ANKFY1: variants seen among roughly 807,000 people sequenced by gnomAD.
ANKFY1 encodes ankyrin repeat and FYVE domain-containing protein 1.
Under a neutral mutation model 128.3 loss-of-function variants are expected in ANKFY1, and 47 were observed. The ratio of observed to expected loss-of-function variants is 0.37; its 90% CI spans 0.29 to 0.47. The LOEUF (loss-of-function observed/expected upper bound fraction) is 0.47, where lower values mean the gene tolerates loss of function less well. Ranked by LOEUF, ANKFY1 falls within the 20% of genes least tolerant of loss-of-function variation. The probability of loss-of-function intolerance (pLI) is 1.00; values close to 1 mark genes in which losing one functional copy is unlikely to be tolerated. For missense variants in ANKFY1, 1,222 were observed against 1,510.6 expected (o/e 0.81, Z 3.17); for synonymous variants, 553 against 601.6 (o/e 0.92, Z 1.18).
At chr17:4,193,804 G>T (rs1453510150) in intron 10 of ANKFY1, among the ~76,000 whole-genome samples, 1 of 151,220 alleles carries the variant, frequency 6.6e-6, no homozygotes, top group Non-Finnish European at 1.5e-5. Context: ...CTGTTGCCCA[G>T]GCTGGAGTGC....
At chr17:4,180,227 C>T (rs374130373) in intron 16 of ANKFY1, 14 of 198,438 alleles carry the variant, frequency 7.1e-5, no homozygotes, top group Non-Finnish European at 1.4e-4. Flanking sequence ...CAGGAGTCCA[C>T]GACCAGCCTG....
intron 2 of ANKFY1, among the ~76,000 whole-genome samples, chr17:4,238,757 C>G (rs1442772034): frequency 6.6e-6 from 1 of 151,860 alleles, no homozygotes; most frequent in Non-Finnish European, 1.5e-5. Context: ...TGAGCCACCA[C>G]ACCCAGCCTT....
rs1487022637 is a variant in ANKFY1 at position 4,177,109 on chromosome 17, A to G, written c.2775+17T>C. The G allele has an allele frequency of 1.3e-6, 2 of 1,563,354 alleles. No homozygotes were observed. The highest frequency in any genetic ancestry group is 1.4e-5 in the African/African-American group (1 of 73,382). ...TTGACAACATATTATTACATGCAATACTTCTGTGTCACTTACCAAATTGCG... is the reference window on the plus strand; with the variant it reads ...TTGACAACATATTATTACATGCAATGCTTCTGTGTCACTTACCAAATTGCG... On this transcript the variant is annotated intron_variant, in intron 19 of 24. Coordinates refer to ENST00000341657, the MANE Select transcript of ANKFY1 (RefSeq NM_001330063.2).
At chr17:4,205,414 T>G (rs1382250303) in intron 7 of ANKFY1, among the ~76,000 whole-genome samples, 1 of 150,254 alleles carries the variant, frequency 6.7e-6, no homozygotes, top group Non-Finnish European at 1.5e-5. Flanking sequence ...AAACCTAGTA[T>G]TTTTTTTTTC....
rs2059177916 is a variant in ANKFY1 at position 4,164,527 on chromosome 17, G to A, written c.*3252C>T. 6.6e-6 allele frequency: 1 copy of A among 152,308 alleles called. No individual in the cohort carries two copies. Among genetic ancestry groups the A allele is most frequent in the Admixed American group, 6.5e-5 (1 of 15,292 alleles). The allele number at this position is 152,308 out of a possible 1,614,324, so 9.4% of individuals were successfully genotyped here. A position where few individuals can be genotyped will look rare whatever the true frequency, so the allele number is the denominator to read the frequency against. On this transcript the variant is annotated 3_prime_UTR_variant, in exon 25 of 25. Transcript: ENST00000341657. Reference sequence around the variant, plus strand: ...CTGGGACTTGTCCCAAGGGAAGCAAGTGTCTGTCATGGAAACATTACCCTT... The same window carrying A: ...CTGGGACTTGTCCCAAGGGAAGCAAATGTCTGTCATGGAAACATTACCCTT...
chr17:4,205,077 G>A lies in ANKFY1; in HGVS notation c.898+1244C>T, dbSNP rs560277906. Among the ~76,000 whole-genome samples, 52 of 152,214 alleles carry A rather than the reference G, an allele frequency of 3.4e-4. 1 individual carries two copies. Among genetic ancestry groups the A allele is most frequent in the Admixed American group, 2.7e-3 (42 of 15,278 alleles). The stretch of plus-strand genomic sequence containing the variant: ...CACCAACTAGGAGCAATTTGTGAAT[G>A]GCAAAAATGTAGCACAGACAATAAT... On this transcript the variant is annotated intron_variant, in intron 7 of 24. Coordinates refer to ENST00000341657, the MANE Select transcript of ANKFY1 (RefSeq NM_001330063.2).
intron 3 of ANKFY1, among the ~76,000 whole-genome samples, chr17:4,229,543 T>C (rs1421195556): frequency 1.3e-5 from 2 of 151,970 alleles, no homozygotes; most frequent in South Asian, 2.1e-4. Context: ...ATTGGCTAAA[T>C]ATAAATAAAA....
intron 7 of ANKFY1, 96 bp downstream of exon 7, chr17:4,206,225 C>A: frequency 7.4e-7 from 1 of 1,353,438 alleles, no homozygotes; most frequent in Admixed American, 1.8e-5. Flanking sequence ...ACTACAGAAG[C>A]CTTTGAGAAT....
intron 7 of ANKFY1, among the ~76,000 whole-genome samples, chr17:4,205,037 G>A (rs1042729189): frequency 1.3e-5 from 2 of 152,180 alleles, no homozygotes; most frequent in Non-Finnish European, 2.9e-5. Flanking sequence ...ACCACATCTT[G>A]ATGTAACTAC....
At chr17:4,225,130 C>T (rs1221904171) in intron 3 of ANKFY1, among the ~76,000 whole-genome samples, 1 of 151,720 alleles carries the variant, frequency 6.6e-6, no homozygotes. Context: ...CCGAGGCAGG[C>T]GGATCACTTG....
At chr17:4,221,845 G>T (rs1430553080) in intron 3 of ANKFY1, among the ~76,000 whole-genome samples, 1 of 152,170 alleles carries the variant, frequency 6.6e-6, no homozygotes, top group Non-Finnish European at 1.5e-5. Flanking sequence ...TGGAACTCCT[G>T]ACCTCAGGTG....
At chr17:4,195,291 TCAC>T in intron 9 of ANKFY1, 109 bp downstream of exon 9, 1 of 1,380,280 alleles carries the variant, frequency 7.2e-7, no homozygotes, top group Admixed American at 2.1e-5. Context: ...TTTTTTTAGC[TCAC>T]TTTAACTTCT....
Position 4,167,910 on chromosome 17 carries a change from G to A in ANKFY1, c.3379C>T (p.Arg1127Cys), listed in dbSNP as rs2059239314. The change falls in exon 25 of 25, where the codon CGT becomes TGT. Residue 1127 changes from arginine to cysteine, a missense_variant and splice_region_variant. Coordinates refer to ENST00000341657, the MANE Select transcript of ANKFY1 (RefSeq NM_001330063.2). The surrounding 1 kb of genome is among the most constrained non-coding windows in gnomAD (Gnocchi z 4.1). Reference sequence around the variant, plus strand: ...TGGCAAAGAAGACGTCCGCAGTGACGACTGTGGAAGCAAAGAAAGGAAGTA... The same window carrying A: ...TGGCAAAGAAGACGTCCGCAGTGACAACTGTGGAAGCAAAGAAAGGAAGTA... Reference protein sequence around the residue: ...FGVTTRKHHCRHCGRLLCHKC... With the variant: ...FGVTTRKHHCCHCGRLLCHKC... 6.8e-6 allele frequency: 11 copies of A among 1,612,150 alleles called. No homozygotes were observed. Among genetic ancestry groups the A allele is most frequent in the Non-Finnish European group, 9.3e-6 (11 of 1,179,042 alleles).
intron 5 of ANKFY1, 191 bp from the exon 6 acceptor site, chr17:4,208,273 A>G (rs1409074912): frequency 7.8e-6 from 4 of 511,520 alleles, no homozygotes; most frequent in African/African-American, 4.0e-5. Flanking sequence ...AGAAAATATT[A>G]TGGCATAAAG....
rs1313825732 is a variant in ANKFY1, at chr17:4,164,582, T to C, written c.*3197A>G. On this transcript the variant is annotated 3_prime_UTR_variant, in exon 25 of 25. Transcript: ENST00000341657. ...GTTCCTGCTACTGTCACCTGGGAAGTTAGCGTTAGCTTGCCTTTCAGGGTG... is the reference window on the plus strand; with the variant it reads ...GTTCCTGCTACTGTCACCTGGGAAGCTAGCGTTAGCTTGCCTTTCAGGGTG... 1 of 152,242 alleles carries C rather than the reference T, an allele frequency of 6.6e-6. No individual in the cohort carries two copies. Among genetic ancestry groups the C allele is most frequent in the Non-Finnish European group, 1.5e-5 (1 of 68,052 alleles). The allele number at this position is 152,242 out of a possible 1,614,324, so 9.4% of individuals were successfully genotyped here.
At chr17:4,237,491 A>G (rs990456320) in intron 2 of ANKFY1, among the ~76,000 whole-genome samples, 4 of 152,174 alleles carry the variant, frequency 2.6e-5, no homozygotes, top group African/African-American at 4.8e-5. Context: ...AAGTACAAAT[A>G]ATTTTTAAAT....
In ANKFY1 at chr17:4,244,949, C is replaced by T. The variant is rs371001835; in HGVS notation, c.11-2501G>A. Among the ~76,000 whole-genome samples, 33 of 152,176 alleles carry T rather than the reference C, an allele frequency of 2.2e-4. 1 individual carries two copies. The East Asian group carries it at 4.1e-3, about 19-fold the overall frequency. On this transcript the variant is annotated intron_variant, in intron 1 of 24. Transcript: ENST00000341657. ...AGCCCCGCCATCTCTAGCTACCATA[C>T]ACCACTGTCTCACCTGCCATTCCCT...
chr17:4,236,842 T>C (rs1353812453), intron 2 of ANKFY1, among the ~76,000 whole-genome samples: 1 of 152,016 alleles, frequency 6.6e-6, no homozygotes, highest in Non-Finnish European at 1.5e-5. Flanking sequence ...AACCCATCCA[T>C]TTAAAAGGAA....
intron 4 of ANKFY1, among the ~76,000 whole-genome samples, chr17:4,216,053 T>C (rs2060215998): frequency 6.6e-6 from 1 of 152,230 alleles, no homozygotes; most frequent in Admixed American, 6.5e-5. Context: ...AGGATTTAGA[T>C]ATTAAAATGC....
Sources: gnomAD v4.1 joint callset for allele counts (sites outside exome capture counted in the v4.1 genomes callset) on GRCh38, gnomAD v4.1.1 for gene constraint, Gnocchi (gnomAD v3.1) non-coding constraint, MANE v1.5 for transcripts, NCBI Gene and HGNC (gene_info 2026-07-23, HGNC 2026-07-21) for gene names.